The following ZCCHC7 variants were observed in gnomAD, a reference collection of about 807,000 sequenced individuals.
ZCCHC7 encodes zinc finger CCHC-type containing 7.
A neutral mutation model predicts 52.0 loss-of-function variants in ZCCHC7; 35 were observed. That is an observed-to-expected ratio of 0.67 (90% CI 0.51 to 0.89). The LOEUF is 0.89. ZCCHC7 is among the 40% of genes least tolerant of loss of function. The pLI, the probability that ZCCHC7 is intolerant of heterozygous loss-of-function variation, is 0.00. For synonymous variants in ZCCHC7, 217 were observed against 221.5 expected, an observed-to-expected ratio of 0.98 and a Z score of 0.18; for missense variants, 574 against 649.1, an observed-to-expected ratio of 0.88 and a Z score of 1.26.
intron 6 of ZCCHC7, 139 bp downstream of exon 6, chr9:37,327,973 A>C (rs1830318000): frequency 1.3e-5 from 11 of 874,470 alleles, no homozygotes; most frequent in Non-Finnish European, 1.9e-5. Flanking sequence ...GGAGAAAGCA[A>C]TAATACACTT....
chr9:37,159,348 A>G (rs1352378248), intron 2 of ZCCHC7, among the ~76,000 whole-genome samples: 4 of 152,216 alleles, frequency 2.6e-5, no homozygotes, highest in African/African-American at 4.8e-5. Context: ...ATTAAAATAT[A>G]AATGTTATAT....
chr9:37,159,352 G>GT (rs1202564752), intron 2 of ZCCHC7, among the ~76,000 whole-genome samples: 1 of 151,960 alleles, frequency 6.6e-6, no homozygotes, highest in East Asian at 1.9e-4. Flanking sequence ...AAATATAAAT[G>GT]TTATATTACC....
At chr9:37,231,193 G>C (rs1043973561) in intron 2 of ZCCHC7, among the ~76,000 whole-genome samples, 3 of 152,050 alleles carry the variant, frequency 2.0e-5, no homozygotes, top group African/African-American at 7.2e-5. Context: ...TGATCCACCC[G>C]CCTCAGCCTC....
intron 7 of ZCCHC7, among the ~76,000 whole-genome samples, chr9:37,351,158 G>T (rs753810054): frequency 6.6e-5 from 10 of 152,110 alleles, no homozygotes; most frequent in Non-Finnish European, 1.5e-4. Flanking sequence ...AACCGTGGGG[G>T]TGAGACATAA....
In ZCCHC7 at chr9:37,346,378, A is replaced by G. The variant is rs79845619; in HGVS notation, c.988-2979A>G. Among the ~76,000 whole-genome samples, 625 of 152,270 alleles carry G rather than the reference A, an allele frequency of 4.1e-3. 4 individuals are homozygous for G. The highest frequency in any genetic ancestry group is 0.014 in the African/African-American group (584 of 41,546). On this transcript the variant is annotated intron_variant, in intron 6 of 8. Transcript: ENST00000336755. ...AGACCTTTACAAAACACCTGTTTGC[A>G]ACATTAAAAACAAAATTAGGGGGCC...
intron 2 of ZCCHC7, among the ~76,000 whole-genome samples, chr9:37,161,418 CA>C (rs1219119337): frequency 1.3e-5 from 2 of 151,686 alleles, no homozygotes; most frequent in Non-Finnish European, 2.9e-5. Flanking sequence ...ACTAAAAATA[CA>C]AAAAAATTAG....
rs1467381847 is a variant in ZCCHC7, at chr9:37,305,601, G to GC, written c.844dup (p.Leu282ProfsTer9). On this transcript the variant is annotated frameshift_variant, in exon 5 of 9. Coordinates refer to ENST00000336755, the MANE Select transcript of ZCCHC7 (RefSeq NM_032226.3). LOFTEE classifies it high-confidence loss of function. The stretch of plus-strand genomic sequence containing the variant: ...AGGACATCTCCTGTATTCCTGTCCA[G>GC]CCCCCCTTTGCGAATACTGTCCTGT... The GC allele has an allele frequency of 6.2e-7, 1 of 1,614,036 alleles. No homozygotes were observed. Among genetic ancestry groups the GC allele is most frequent in the Non-Finnish European group, 8.5e-7 (1 of 1,179,996 alleles).
intron 2 of ZCCHC7, among the ~76,000 whole-genome samples, chr9:37,189,719 G>T (rs960374154): frequency 3.9e-5 from 6 of 152,008 alleles, no homozygotes; most frequent in Admixed American, 1.3e-4. Flanking sequence ...ATTTGGTTGG[G>T]TTCATTCAGG....
intron 2 of ZCCHC7, among the ~76,000 whole-genome samples, chr9:37,131,523 T>A (rs566351001): frequency 6.6e-6 from 1 of 152,060 alleles, no homozygotes; most frequent in Non-Finnish European, 1.5e-5. Context: ...CAAGCATCTG[T>A]AATCCCAGCT....
chr9:37,153,104 C>G (rs1262830466), intron 2 of ZCCHC7, among the ~76,000 whole-genome samples: 1 of 151,616 alleles, frequency 6.6e-6, no homozygotes, highest in Non-Finnish European at 1.5e-5. Flanking sequence ...TTAATATACT[C>G]CTATCTTTTT....
chr9:37,346,002 G>C (rs1014927756), intron 6 of ZCCHC7, among the ~76,000 whole-genome samples: 1 of 151,850 alleles, frequency 6.6e-6, no homozygotes, highest in African/African-American at 2.4e-5. Flanking sequence ...TTGGGTTTGC[G>C]TTTGGGTTTT....
intron 2 of ZCCHC7, chr9:37,205,509 G>A: frequency 6.6e-6 from 1 of 152,402 alleles, no homozygotes; most frequent in African/African-American, 2.4e-5. Flanking sequence ...TCTGTTGATG[G>A]GTACTTTGTA....
At chr9:37,330,095 A>G (rs982197911) in intron 6 of ZCCHC7, among the ~76,000 whole-genome samples, 4 of 151,810 alleles carry the variant, frequency 2.6e-5, no homozygotes, top group African/African-American at 9.7e-5. Flanking sequence ...CAGTAAATTA[A>G]TGTTTATCCA....
intron 2 of ZCCHC7, among the ~76,000 whole-genome samples, chr9:37,276,800 G>A (rs1021284392): frequency 1.3e-5 from 2 of 152,118 alleles, no homozygotes; most frequent in Admixed American, 1.3e-4. Context: ...CACTGAATAT[G>A]GGATCCTTGT....
intron 5 of ZCCHC7, among the ~76,000 whole-genome samples, chr9:37,309,391 C>T (rs1829488770): frequency 6.6e-6 from 1 of 152,242 alleles, no homozygotes; most frequent in Non-Finnish European, 1.5e-5. Context: ...CAAATGCTTG[C>T]TGCTCATCTT....
chr9:37,155,620 T>C (rs1320463430), intron 2 of ZCCHC7, among the ~76,000 whole-genome samples: 3 of 152,258 alleles, frequency 2.0e-5, no homozygotes, highest in African/African-American at 4.8e-5. Flanking sequence ...CTTCGTAAAC[T>C]GGCCATTGGT....
chr9:37,142,918 A>G (rs978020217), intron 2 of ZCCHC7, among the ~76,000 whole-genome samples: 1 of 151,878 alleles, frequency 6.6e-6, no homozygotes, highest in African/African-American at 2.4e-5. Context: ...TAATTCTGTT[A>G]GCATGTTTTA....
chr9:37,228,729 A>T (rs1045535712), intron 2 of ZCCHC7, among the ~76,000 whole-genome samples: 3 of 151,952 alleles, frequency 2.0e-5, no homozygotes, highest in Admixed American at 2.0e-4. Flanking sequence ...TTTTATATGA[A>T]TATAAACATG....
At chr9:37,145,098 T>G (rs957919531) in intron 2 of ZCCHC7, 5 of 152,038 alleles carry the variant, frequency 3.3e-5, no homozygotes, top group Admixed American at 6.6e-5. Flanking sequence ...AGGTTCATTA[T>G]GATTTTTTGT....
Sources: gnomAD v4.1 joint callset for allele counts (sites outside exome capture counted in the v4.1 genomes callset) on GRCh38, gnomAD v4.1.1 for gene constraint, MANE v1.5 for transcripts, NCBI Gene and HGNC (gene_info 2026-07-23, HGNC 2026-07-21) for gene names.